Variants in LYN observed in about 807,000 individuals in gnomAD.
The protein encoded by LYN is tyrosine-protein kinase Lyn.
A neutral mutation model predicts 65.0 loss-of-function variants in LYN; 12 were observed. The observed-to-expected ratio is 0.18, with a 90% CI of 0.12 to 0.30. LYN has a LOEUF of 0.30. Among genes scored for constraint, LYN ranks in the 10% least tolerant of loss-of-function variants. LYN has a pLI of 1.00. For missense variants in LYN, 380 were observed against 623.2 expected (o/e 0.61, Z 4.16); for synonymous variants, 222 against 221.2 (o/e 1.00, Z -0.03).
intron 1 of LYN, 73 bp from the exon 2 acceptor site, chr8:55,941,782 A>T: frequency 9.2e-7 from 1 of 1,083,792 alleles, no homozygotes; most frequent in Non-Finnish European, 1.4e-6. Flanking sequence ...ACTCTTTTTT[A>T]TTGGAGACAT....
At chr8:55,915,699 T>A (rs987330464) in intron 1 of LYN, among the ~76,000 whole-genome samples, 4 of 152,046 alleles carry the variant, frequency 2.6e-5, no homozygotes, top group Non-Finnish European at 5.9e-5. Flanking sequence ...AGAGCAAGAC[T>A]CCGTCTCAAA....
At chr8:55,919,562 G>A (rs947186226) in intron 1 of LYN, among the ~76,000 whole-genome samples, 1 of 152,134 alleles carries the variant, frequency 6.6e-6, no homozygotes, top group Non-Finnish European at 1.5e-5. Flanking sequence ...AATCCTTTTG[G>A]TCTTAACTAT....
At chr8:55,949,800 T>C (rs763609345) in intron 4 of LYN, among the ~76,000 whole-genome samples, 2 of 152,188 alleles carry the variant, frequency 1.3e-5, no homozygotes, top group African/African-American at 4.8e-5. Flanking sequence ...ATCCATCTAC[T>C]TAAAGTGTAC....
intron 12 of LYN, among the ~76,000 whole-genome samples, chr8:56,004,533 A>G (rs921097583): frequency 6.6e-6 from 1 of 151,958 alleles, no homozygotes; most frequent in African/African-American, 2.4e-5. Context: ...ACCTCAGGTG[A>G]TCCACCCACC....
chr8:55,932,831 G>A (rs1383676727), intron 1 of LYN, among the ~76,000 whole-genome samples: 1 of 152,188 alleles, frequency 6.6e-6, no homozygotes, highest in Admixed American at 6.5e-5. Flanking sequence ...GGATGCAGCT[G>A]GAAGCCATTA....
chr8:55,997,054 G>A (rs575373670), intron 10 of LYN, among the ~76,000 whole-genome samples: 195 of 152,048 alleles, frequency 1.3e-3, no homozygotes, highest in Non-Finnish European at 2.1e-3. Context: ...CCAGCTACTC[G>A]GGAGGCTGAG....
chr8:55,902,965 C>A (rs1805313626), intron 1 of LYN: 1 of 313,284 alleles, frequency 3.2e-6, no homozygotes, highest in Admixed American at 4.1e-5. Context: ...TCTCCTGCCT[C>A]AGCCTCCCGA....
chr8:55,970,701 G>A (rs770377718), intron 10 of LYN, among the ~76,000 whole-genome samples: 14 of 152,008 alleles, frequency 9.2e-5, no homozygotes, highest in Non-Finnish European at 1.9e-4. Context: ...GAGTACAGAG[G>A]TGAAGCACCT....
chr8:55,881,842 C>G lies in LYN; in HGVS notation c.-6+1739C>G, dbSNP rs566847739. On this transcript the variant is annotated intron_variant, in intron 1 of 12. Transcript: ENST00000519728. ...GGAAGCTCCATGAAAACTGCTTCAT[C>G]TGTCTTGTCCAAAATGATAGCCCCA... 3.3e-5 allele frequency among the ~76,000 whole-genome samples: 5 copies of G among 152,282 alleles called. No homozygotes were observed. In the East Asian group the frequency reaches 9.6e-4, roughly 29 times the overall value.
rs1042474839 is a variant in LYN at position 55,958,152 on chromosome 8, A to G, written c.790+4168A>G. On this transcript the variant is annotated intron_variant, in intron 8 of 12. Coordinates refer to ENST00000519728, the MANE Select transcript of LYN (RefSeq NM_002350.4). ...CTGTCGTAAGGTGTAAGTCTGCACT[A>G]AAATTGTACACCTGGAGCTTAAGAA... Among the ~76,000 whole-genome samples, 17 of 152,316 alleles carry G rather than the reference A, an allele frequency of 1.1e-4. No individual in the cohort carries two copies. In the East Asian group the frequency reaches 3.1e-3, roughly 28 times the overall value.
chr8:56,008,132 AAT>A, intron 12 of LYN, among the ~76,000 whole-genome samples: 1 of 147,274 alleles, frequency 6.8e-6, no homozygotes, highest in Admixed American at 6.7e-5. Context: ...AAAAAAATAA[AAT>A]AAAATAAAAT....
chr8:55,919,334 T>G (rs1226800896), intron 1 of LYN, among the ~76,000 whole-genome samples: 1 of 152,194 alleles, frequency 6.6e-6, no homozygotes, highest in Non-Finnish European at 1.5e-5. Context: ...AATTTAGTGT[T>G]CGTACTTTAA....
chr8:55,902,754 A>C, intron 1 of LYN: 1 of 512,244 alleles, frequency 2.0e-6, no homozygotes, highest in Non-Finnish European at 3.9e-6. Flanking sequence ...CACCACTGCA[A>C]TATGCATACT....
chr8:56,005,442 C>T (rs896511301), intron 12 of LYN, among the ~76,000 whole-genome samples: 1 of 152,214 alleles, frequency 6.6e-6, no homozygotes, highest in Non-Finnish European at 1.5e-5. Flanking sequence ...CAGGTACTGT[C>T]CTGCCCTCGG....
At chr8:55,922,631 G>A (rs910237057) in intron 1 of LYN, among the ~76,000 whole-genome samples, 1 of 152,194 alleles carries the variant, frequency 6.6e-6, no homozygotes, top group African/African-American at 2.4e-5. Flanking sequence ...GCCGGGAGTG[G>A]TGGCACACGC....
At chr8:55,948,229 C>T (rs796201692) in intron 4 of LYN, among the ~76,000 whole-genome samples, 14 of 152,304 alleles carry the variant, frequency 9.2e-5, no homozygotes, top group African/African-American at 3.1e-4. Flanking sequence ...CTGCCTTGGC[C>T]TCCCAAAGTG....
chr8:55,997,813 G>T (rs191334078), intron 10 of LYN, among the ~76,000 whole-genome samples: 1 of 152,154 alleles, frequency 6.6e-6, no homozygotes, highest in Non-Finnish European at 1.5e-5. Context: ...GGCCAGGCGC[G>T]GTGGCTCACG....
intron 1 of LYN, chr8:55,902,867 G>A: frequency 2.3e-6 from 1 of 427,020 alleles, no homozygotes. Context: ...TTTTTTTTTG[G>A]AGACGGAGTC....
chr8:55,986,855 A>G (rs919460718), intron 10 of LYN, among the ~76,000 whole-genome samples: 4 of 152,140 alleles, frequency 2.6e-5, no homozygotes, highest in African/African-American at 9.7e-5. Context: ...CTTCCCAGGT[A>G]GCTGGGACCA....
Sources: allele counts gnomAD v4.1 joint callset (sites outside exome capture counted in the v4.1 genomes callset), GRCh38; gene constraint gnomAD v4.1.1; transcripts MANE v1.5; gene names NCBI Gene and HGNC (gene_info 2026-07-23, HGNC 2026-07-21).